LRGUK: variants seen among roughly 807,000 people sequenced by gnomAD.
LRGUK encodes leucine-rich repeat and guanylate kinase domain-containing protein.
Under a neutral mutation model 76.0 loss-of-function variants are expected in LRGUK, and 65 were observed. That is an observed-to-expected ratio of 0.85 (90% CI 0.70 to 1.05). LRGUK has a LOEUF of 1.05. Ranked by LOEUF, LRGUK falls within the 50% of genes least tolerant of loss-of-function variation. The pLI, the probability that LRGUK is intolerant of heterozygous loss-of-function variation, is 0.00. For synonymous variants in LRGUK, 268 were observed against 265.6 expected, an observed-to-expected ratio of 1.01 and a Z score of -0.09; for missense variants, 758 against 732.8, an observed-to-expected ratio of 1.03 and a Z score of -0.40.
chr7:134,234,400 G>A (rs1801970207), intron 16 of LRGUK, among the ~76,000 whole-genome samples: 1 of 151,962 alleles, frequency 6.6e-6, no homozygotes, highest in South Asian at 2.1e-4. Flanking sequence ...CTGAACCTAC[G>A]AATGAGTAAA....
chr7:134,247,574 A>C, exon 17 of LRGUK: 2 of 1,613,566 alleles, frequency 1.2e-6, no homozygotes, highest in Non-Finnish European at 1.7e-6. Context: ...TTCTATACAC[A>C]GACAGCACGA....
At chr7:134,154,256 G>A (rs1459352403) in intron 5 of LRGUK, among the ~76,000 whole-genome samples, 1 of 152,202 alleles carries the variant, frequency 6.6e-6, no homozygotes, top group South Asian at 2.1e-4. Flanking sequence ...CTAATTCATT[G>A]TAATGTGTAG....
downstream of LRGUK, among the ~76,000 whole-genome samples, chr7:134,215,012 A>G (rs972605583): frequency 1.3e-5 from 2 of 152,094 alleles, no homozygotes; most frequent in African/African-American, 2.4e-5. Flanking sequence ...TGTAAGGTTC[A>G]TTTTATGATC....
chr7:134,166,025 T>C (rs728580), intron 7 of LRGUK, among the ~76,000 whole-genome samples: 20,001 of 152,064 alleles, frequency 0.13, 1,663 homozygotes, highest in East Asian at 0.32. Context: ...CGACTCCCCC[T>C]GGGCAGGTTG....
At chr7:134,254,837 C>T (rs911353982) in intron 18 of LRGUK, among the ~76,000 whole-genome samples, 2 of 152,108 alleles carry the variant, frequency 1.3e-5, no homozygotes, top group Non-Finnish European at 2.9e-5. Flanking sequence ...ACTTGATGGA[C>T]TATTATGCAG....
exon 20 of LRGUK, chr7:134,263,878 A>G (rs191607900): frequency 1.2e-6 from 2 of 1,611,374 alleles, no homozygotes; most frequent in East Asian, 2.2e-5. Flanking sequence ...CATGAAAAAG[A>G]GTCTCACCAA....
intron 16 of LRGUK, among the ~76,000 whole-genome samples, chr7:134,230,292 T>C (rs150856036): frequency 6.6e-6 from 1 of 152,254 alleles, no homozygotes; most frequent in East Asian, 1.9e-4. Flanking sequence ...AAATGCAAAA[T>C]ATAATCGCAA....
At chr7:134,135,802 C>T (rs1262753488) in intron 1 of LRGUK, among the ~76,000 whole-genome samples, 2 of 152,172 alleles carry the variant, frequency 1.3e-5, no homozygotes, top group Non-Finnish European at 2.9e-5. Flanking sequence ...ACTCCAGGCG[C>T]CCGCCACCAC....
At chr7:134,128,514 C>T (rs1372725311) in intron 1 of LRGUK, among the ~76,000 whole-genome samples, 1 of 152,096 alleles carries the variant, frequency 6.6e-6, no homozygotes, top group Non-Finnish European at 1.5e-5. Context: ...TAATAAATTG[C>T]TTTCTTTCAA....
intron 15 of LRGUK, among the ~76,000 whole-genome samples, chr7:134,205,830 C>T (rs1800981088): frequency 6.6e-6 from 1 of 152,168 alleles, no homozygotes; most frequent in South Asian, 2.1e-4. Context: ...AGGTTTTTCC[C>T]AATTGGATTA....
intron 4 of LRGUK, among the ~76,000 whole-genome samples, chr7:134,143,653 T>G (rs1797859459): frequency 6.6e-6 from 1 of 152,092 alleles, no homozygotes; most frequent in African/African-American, 2.4e-5. Context: ...GCCCTTTTAT[T>G]TATCTAACTT....
At chr7:134,178,634 G>A (rs112984006) in intron 10 of LRGUK, 25 bp downstream of exon 10, 42 of 1,580,056 alleles carry the variant, frequency 2.7e-5, no homozygotes, top group Middle Eastern at 1.7e-4. Flanking sequence ...TCCAAAGGCC[G>A]GAATTCAGGG....
chr7:134,252,001 A>T (rs1802458788), intron 18 of LRGUK, among the ~76,000 whole-genome samples: 1 of 151,954 alleles, frequency 6.6e-6, no homozygotes, highest in Admixed American at 6.6e-5. Flanking sequence ...GGAGCAAGAG[A>T]TTGGGAAACA....
At chr7:134,130,459 T>G (rs1374364315) in intron 1 of LRGUK, among the ~76,000 whole-genome samples, 1 of 152,238 alleles carries the variant, frequency 6.6e-6, no homozygotes, top group African/African-American at 2.4e-5. Flanking sequence ...CTTTTTGGCT[T>G]GTAAGACACA....
chr7:134,194,218 G>T (rs891471312), intron 12 of LRGUK, among the ~76,000 whole-genome samples: 7 of 152,190 alleles, frequency 4.6e-5, no homozygotes, highest in African/African-American at 1.7e-4. Context: ...TTGTAATGGG[G>T]TCTCTTTTAT....
downstream of LRGUK, among the ~76,000 whole-genome samples, chr7:134,211,929 C>G (rs1585563907): frequency 1.3e-5 from 2 of 152,176 alleles, no homozygotes; most frequent in East Asian, 3.9e-4. Context: ...AACCAGGACT[C>G]TAGTCATCTC....
chr7:134,211,818 T>C (rs999732529), downstream of LRGUK, among the ~76,000 whole-genome samples: 1 of 152,210 alleles, frequency 6.6e-6, no homozygotes, highest in Non-Finnish European at 1.5e-5. Context: ...CCAGCTTCTG[T>C]GACTCTATTA....
At chr7:134,237,994 A>G (rs1420150807) in intron 16 of LRGUK, among the ~76,000 whole-genome samples, 2 of 152,174 alleles carry the variant, frequency 1.3e-5, no homozygotes. Context: ...CAGTACTAAT[A>G]CCACCAGCAC....
intron 10 of LRGUK, among the ~76,000 whole-genome samples, chr7:134,179,299 A>G (rs1467576755): frequency 1.3e-5 from 2 of 152,228 alleles, no homozygotes; most frequent in East Asian, 3.8e-4. Flanking sequence ...GCAGATGGCC[A>G]TTTATGCTCT....
Sources: gnomAD v4.1 joint callset for allele counts (sites outside exome capture counted in the v4.1 genomes callset) on GRCh38, gnomAD v4.1.1 for gene constraint, MANE v1.5 for transcripts, NCBI Gene and HGNC (gene_info 2026-07-23, HGNC 2026-07-21) for gene names.